Variants in SQSTM1 observed in about 807,000 individuals in gnomAD.
SQSTM1 encodes sequestosome-1.
SQSTM1 carries 36 observed loss-of-function variants against 45.1 expected under a neutral mutation model. That is an observed-to-expected ratio of 0.80 (90% CI 0.61 to 1.05). SQSTM1 has a LOEUF of 1.05. Ranked by LOEUF, SQSTM1 falls within the 50% of genes least tolerant of loss-of-function variation. SQSTM1 has a pLI of 0.00. For synonymous variants in SQSTM1, 290 were observed against 244.3 expected (o/e 1.19, Z -1.74); for missense variants, 617 against 607.1 (o/e 1.02, Z -0.17).
In SQSTM1 at chr5:179,830,597, C is replaced by T. The variant is rs371835004; in HGVS notation, c.755-2435C>T. Among the ~76,000 whole-genome samples the T allele has an allele frequency of 3.4e-4, 52 of 151,608 alleles. 1 individual carries two copies. Among genetic ancestry groups the T allele is most frequent in the South Asian group, 6.3e-4 (3 of 4,780 alleles). ...CACCCCCGAGTCAGAGTCTCGCTGT[C>T]GCCCAGGCTGGAGTGCAGCGGCGTG... On this transcript the variant is annotated intron_variant, in intron 5 of 7. Transcript: ENST00000389805.
intron 5 of SQSTM1, among the ~76,000 whole-genome samples, 167 bp from the exon 6 acceptor site, chr5:179,832,865 T>G (rs1389840166): frequency 6.6e-6 from 1 of 152,122 alleles, no homozygotes; most frequent in Admixed American, 6.6e-5. Flanking sequence ...GGGTAGAACC[T>G]AGCACCTGCA....
At chr5:179,834,186 A>G (rs1758389015) in intron 7 of SQSTM1, among the ~76,000 whole-genome samples, 1 of 120,008 alleles carries the variant, frequency 8.3e-6, no homozygotes. Flanking sequence ...AGATCCCTGT[A>G]GGAGCCAGGC....
chr5:179,833,004 G>C, intron 5 of SQSTM1, 28 bp from the exon 6 acceptor site: 1 of 1,613,268 alleles, frequency 6.2e-7, no homozygotes. Flanking sequence ...GGAACTTCAC[G>C]GCTTGCTCTT....
chr5:179,822,755 C>A, intron 1 of SQSTM1: 3 of 648,658 alleles, frequency 4.6e-6, no homozygotes, highest in Non-Finnish European at 8.5e-6. Flanking sequence ...TGGTCCAGGG[C>A]CCAGGTCGGA....
chr5:179,827,024 T>C (rs959582462), intron 5 of SQSTM1, among the ~76,000 whole-genome samples: 10 of 152,174 alleles, frequency 6.6e-5, no homozygotes, highest in South Asian at 2.1e-4. Context: ...TTTGGAGATA[T>C]GAACAAGAGT....
intron 1 of SQSTM1, chr5:179,821,570 C>A (rs1216978688): frequency 2.2e-6 from 1 of 460,574 alleles, no homozygotes; most frequent in Non-Finnish European, 4.3e-6. Context: ...TCAGATAATG[C>A]CCTGGAGGAG....
chr5:179,817,438 T>G (rs1214451622), upstream of SQSTM1, among the ~76,000 whole-genome samples: 1 of 151,950 alleles, frequency 6.6e-6, no homozygotes, highest in Non-Finnish European at 1.5e-5. Context: ...GGGCCCAGGG[T>G]CTCGCCCCCG....
At chr5:179,832,479 G>A (rs1430221701) in intron 5 of SQSTM1, among the ~76,000 whole-genome samples, 1 of 152,226 alleles carries the variant, frequency 6.6e-6, no homozygotes, top group Non-Finnish European at 1.5e-5. Context: ...GTGTGCGTGT[G>A]TGTCGTCGCA....
At chr5:179,828,004 G>A (rs1171397985) in intron 5 of SQSTM1, among the ~76,000 whole-genome samples, 1 of 152,190 alleles carries the variant, frequency 6.6e-6, no homozygotes, top group Non-Finnish European at 1.5e-5. Flanking sequence ...GGAGGCTACA[G>A]GCCCCGAAGC....
rs760718532 is a variant in SQSTM1 at position 179,827,890 on chromosome 5, G to T, written c.754+2664G>T. On this transcript the variant is annotated intron_variant, in intron 5 of 7. Coordinates refer to ENST00000389805, the MANE Select transcript of SQSTM1 (RefSeq NM_003900.5). ...CAGCTGCCTCCCGGTGGCAGTGTGTGTAGGGTAAGCGGCAGCTTTCATGTG... is the reference window on the plus strand; with the variant it reads ...CAGCTGCCTCCCGGTGGCAGTGTGTTTAGGGTAAGCGGCAGCTTTCATGTG... 2.0e-5 allele frequency among the ~76,000 whole-genome samples: 3 copies of T among 152,200 alleles called. No individual in the cohort carries two copies. The South Asian group carries it at 6.2e-4, about 31-fold the overall frequency.
rs1757756786 is a variant in SQSTM1 at position 179,821,093 on chromosome 5, G to A, written c.157G>A (p.Ala53Thr). The A allele has an allele frequency of 4.8e-6, 7 of 1,445,406 alleles. No homozygotes were observed. The East Asian group carries it at 1.5e-4, about 31-fold the overall frequency. The allele number at this position is 1,445,406 out of a possible 1,614,324, so 89.5% of individuals were successfully genotyped here. A position where few individuals can be genotyped will look rare whatever the true frequency, so the allele number is the denominator to read the frequency against. The change falls in exon 1 of 8, where the codon GCC becomes ACC. Residue 53 changes from alanine to threonine, a missense_variant. Physicochemically the swap from Ala to Thr is moderately conservative, Grantham distance 58 (BLOSUM62 0). Transcript: ENST00000389805. The stretch of plus-strand genomic sequence containing the variant: ...CGAGCGGCTGCTGAGCCGGGTGGCC[G>A]CCCTGTTCCCCGCGCTGCGGCCTGG... ...PCERLLSRVAALFPALRPGGF... is the reference protein window; with the variant it reads ...PCERLLSRVATLFPALRPGGF...
intron 1 of SQSTM1, among the ~76,000 whole-genome samples, chr5:179,822,318 T>C (rs1230302649): frequency 6.6e-6 from 1 of 152,236 alleles, no homozygotes; most frequent in African/African-American, 2.4e-5. Flanking sequence ...TTTGTTTACC[T>C]GTTCATTAGT....
chr5:179,829,988 T>A (rs72813725), intron 5 of SQSTM1, among the ~76,000 whole-genome samples: 1 of 152,124 alleles, frequency 6.6e-6, no homozygotes, highest in East Asian at 1.9e-4. Flanking sequence ...TGTGTACTTA[T>A]GGCCCCAGCT....
chr5:179,808,806 A>T (rs894711538), intron 1 of SQSTM1, among the ~76,000 whole-genome samples: 5 of 151,576 alleles, frequency 3.3e-5, no homozygotes. Flanking sequence ...TTTAAAACAA[A>T]TTTTTTTGGA....
At position 179,838,030 on chromosome 5, in the gene SQSTM1, T is replaced by C; in HGVS notation, c.*1437T>C. 1.4e-6 allele frequency: 1 copy of C among 737,432 alleles called. No homozygotes were observed. The highest frequency in any genetic ancestry group is 2.2e-6 in the Non-Finnish European group (1 of 460,860). The allele number at this position is 737,432 out of a possible 1,614,324, so 45.7% of individuals were successfully genotyped here. A position where few individuals can be genotyped will look rare whatever the true frequency, so the allele number is the denominator to read the frequency against. Reference sequence around the variant, plus strand: ...GTCAGGCTGGGACAGGCTTTGATTTTGAGGGTTAGCAAGACAAAGCAAATA... The same window carrying C: ...GTCAGGCTGGGACAGGCTTTGATTTCGAGGGTTAGCAAGACAAAGCAAATA... On this transcript the variant is annotated 3_prime_UTR_variant, in exon 8 of 8. Coordinates refer to ENST00000389805, the MANE Select transcript of SQSTM1 (RefSeq NM_003900.5).
In SQSTM1 at chr5:179,833,638, C is replaced by T; in HGVS notation, c.1021C>T (p.Leu341=). Residue 341 remains leucine (L), a synonymous_variant, in exon 7 of 8, where the codon CTG becomes TTG. Coordinates refer to ENST00000389805, the MANE Select transcript of SQSTM1 (RefSeq NM_003900.5). ...CSGGDDDWTH[L]SSKEVDPSTG... Reference sequence around the variant, plus strand: ...AGGAGGAGATGATGACTGGACCCATCTGTCTTCAAAAGAAGTGGACCCGTC... The same window carrying T: ...AGGAGGAGATGATGACTGGACCCATTTGTCTTCAAAAGAAGTGGACCCGTC... 1 of 1,614,162 alleles carries T rather than the reference C, an allele frequency of 6.2e-7. No homozygotes were observed. The highest frequency in any genetic ancestry group is 8.5e-7 in the Non-Finnish European group (1 of 1,180,030).
At chr5:179,822,730 C>A in intron 1 of SQSTM1, 1 of 601,858 alleles carries the variant, frequency 1.7e-6, no homozygotes, top group Non-Finnish European at 3.1e-6. Flanking sequence ...GCCCTCCGCC[C>A]CCTGCATGTG....
At chr5:179,815,341 C>T (rs1206253368), upstream of SQSTM1, among the ~76,000 whole-genome samples, 3 of 151,846 alleles carry the variant, frequency 2.0e-5, no homozygotes, top group African/African-American at 7.3e-5. Flanking sequence ...TGCTTGAATC[C>T]GAGAGGTGGA....
At position 179,806,564 on chromosome 5, in the gene SQSTM1, G is replaced by A; in HGVS notation, c.-184G>A. On this transcript the variant is annotated 5_prime_UTR_variant, in exon 1 of 6. Transcript: ENST00000514093. The surrounding 1 kb of genome is among the most constrained non-coding windows in gnomAD (Gnocchi z 4.6). ...GCAGAAGAGCAGCAGCGTCAGGAAG[G>A]TGCCATTGCGGAGCCTCATCTCCTC... The A allele has an allele frequency of 1.5e-6, 2 of 1,302,046 alleles. No homozygotes were observed. The highest frequency in any genetic ancestry group is 2.0e-6 in the Non-Finnish European group (2 of 998,092). 80.7% of individuals were successfully genotyped at this position (1,302,046 alleles called of 1,614,324 possible). A position where few individuals can be genotyped will look rare whatever the true frequency, so the allele number is the denominator to read the frequency against.
Sources: allele counts gnomAD v4.1 joint callset (sites outside exome capture counted in the v4.1 genomes callset), GRCh38; gene constraint gnomAD v4.1.1; non-coding constraint Gnocchi (gnomAD v3.1); transcripts MANE v1.5; gene names NCBI Gene and HGNC (gene_info 2026-07-23, HGNC 2026-07-21).